The following PLCL1 variants were observed in gnomAD, a reference collection of about 807,000 sequenced individuals.
PLCL1 encodes phospholipase C like 1 (inactive), also known as inactive phospholipase C-like protein 1.
A neutral mutation model predicts 84.4 loss-of-function variants in PLCL1; 41 were observed. That is an observed-to-expected ratio of 0.49 (90% CI 0.38 to 0.63). The LOEUF (loss-of-function observed/expected upper bound fraction) is 0.63, where lower values mean the gene tolerates loss of function less well. Ranked by LOEUF, PLCL1 falls within the 30% of genes least tolerant of loss-of-function variation. PLCL1 has a pLI of 0.00. For synonymous variants in PLCL1, 490 were observed against 488.3 expected, an observed-to-expected ratio of 1.00 and a Z score of -0.05; for missense variants, 1,206 against 1,367.8, an observed-to-expected ratio of 0.88 and a Z score of 1.87.
chr2:198,111,612 C>T (rs1022796645), intron 5 of PLCL1, among the ~76,000 whole-genome samples: 1 of 151,758 alleles, frequency 6.6e-6, no homozygotes, highest in Non-Finnish European at 1.5e-5. Context: ...GTGATTTTTA[C>T]ACAACATTTT....
chr2:197,873,406 G>A (rs1480315175), intron 1 of PLCL1, among the ~76,000 whole-genome samples: 1 of 152,076 alleles, frequency 6.6e-6, no homozygotes, highest in African/African-American at 2.4e-5. Context: ...CTGTCATCAA[G>A]CTGTGCTGGG....
intron 1 of PLCL1, among the ~76,000 whole-genome samples, chr2:197,978,107 C>T (rs1448932432): frequency 6.6e-6 from 1 of 152,188 alleles, no homozygotes; most frequent in Non-Finnish European, 1.5e-5. Flanking sequence ...TAGAGTAAAT[C>T]CGCACTTTGT....
chr2:197,980,202 G>A (rs901025267), intron 1 of PLCL1, among the ~76,000 whole-genome samples: 22 of 152,166 alleles, frequency 1.4e-4, no homozygotes, highest in African/African-American at 5.3e-4. Context: ...GAAATGAAAG[G>A]AAGGAGCAGG....
chr2:198,104,047 T>A (rs1260115529), intron 5 of PLCL1, 111 bp downstream of exon 5: 1 of 517,236 alleles, frequency 1.9e-6, no homozygotes, highest in East Asian at 3.4e-5. Context: ...TTTTAAACCT[T>A]CACTTTAGAT....
chr2:197,908,735 CATGAT>C (rs1158252577), intron 1 of PLCL1, among the ~76,000 whole-genome samples: 2 of 152,120 alleles, frequency 1.3e-5, no homozygotes, highest in Admixed American at 6.6e-5. Flanking sequence ...AAAAAAACCT[CATGAT>C]ATATTTGCAG....
chr2:197,917,352 A>G (rs765300661), intron 1 of PLCL1, among the ~76,000 whole-genome samples: 21 of 152,232 alleles, frequency 1.4e-4, no homozygotes, highest in Non-Finnish European at 2.6e-4. Context: ...AAAGAAATGG[A>G]TGAATCTTAA....
chr2:197,939,037 C>A (rs17670316), intron 1 of PLCL1, among the ~76,000 whole-genome samples: 1 of 152,058 alleles, frequency 6.6e-6, no homozygotes, highest in African/African-American at 2.4e-5. Flanking sequence ...AAATAACATA[C>A]CTTCCATTAA....
At chr2:198,064,930 G>A (rs986996100) in intron 1 of PLCL1, among the ~76,000 whole-genome samples, 2 of 152,174 alleles carry the variant, frequency 1.3e-5, no homozygotes, top group African/African-American at 4.8e-5. Flanking sequence ...ACAGAAGCTT[G>A]TGGAGACAGA....
At chr2:197,996,117 A>G (rs1239289809) in intron 1 of PLCL1, among the ~76,000 whole-genome samples, 1 of 152,036 alleles carries the variant, frequency 6.6e-6, no homozygotes, top group Middle Eastern at 3.2e-3. Context: ...GACGGGCAAG[A>G]GGGAAAGGGA....
intron 1 of PLCL1, among the ~76,000 whole-genome samples, chr2:197,849,504 A>G (rs1687185581): frequency 6.6e-6 from 1 of 152,232 alleles, no homozygotes. Context: ...GATTAAAGTA[A>G]TGATTAAAGT....
intron 1 of PLCL1, among the ~76,000 whole-genome samples, chr2:197,826,852 T>C (rs1690940467): frequency 6.6e-6 from 1 of 152,202 alleles, no homozygotes; most frequent in Non-Finnish European, 1.5e-5. Flanking sequence ...ATCTGTTTGC[T>C]GGATATTTCC....
intron 5 of PLCL1, among the ~76,000 whole-genome samples, chr2:198,112,537 C>CT (rs1339215454): frequency 6.6e-6 from 1 of 151,880 alleles, no homozygotes; most frequent in Non-Finnish European, 1.5e-5. Context: ...CCCCCTCCTC[C>CT]ACAGCCACAG....
At chr2:197,839,190 A>C (rs1475254375) in intron 1 of PLCL1, among the ~76,000 whole-genome samples, 1 of 152,226 alleles carries the variant, frequency 6.6e-6, no homozygotes, top group African/African-American at 2.4e-5. Context: ...TTGCTATTTG[A>C]TATCTCCCTG....
chr2:197,952,876 A>G (rs1435175792), intron 1 of PLCL1, among the ~76,000 whole-genome samples: 1 of 151,934 alleles, frequency 6.6e-6, no homozygotes, highest in Non-Finnish European at 1.5e-5. Context: ...TTCCGCCATG[A>G]TTGTGAGGCC....
intron 1 of PLCL1, among the ~76,000 whole-genome samples, chr2:197,829,468 T>C (rs1463576174): frequency 6.6e-6 from 1 of 152,200 alleles, no homozygotes. Context: ...TATGCATCGT[T>C]AAAATTATTA....
chr2:197,805,006 C>G lies in PLCL1; in HGVS notation c.-94C>G, dbSNP rs1277565291. On this transcript the variant is annotated 5_prime_UTR_variant, in exon 1 of 6. Transcript: ENST00000428675. The surrounding 1 kb of genome is among the most constrained non-coding windows in gnomAD (Gnocchi z 4.0). ...GCGGTGAAACAAAGTCTGGCGGGGC[C>G]GCCTCCCGGTGCAGGAGCGCACCGG... 7.5e-7 allele frequency: 1 copy of G among 1,341,288 alleles called. No homozygotes were observed. The highest frequency in any genetic ancestry group is 1.6e-5 in the African/African-American group (1 of 64,148). 83.1% of individuals were successfully genotyped at this position (1,341,288 alleles called of 1,614,324 possible). A position where few individuals can be genotyped will look rare whatever the true frequency, so the allele number is the denominator to read the frequency against.
Position 197,805,262 on chromosome 2 carries a change from G to T in PLCL1, c.163G>T (p.Ala55Ser). 7.9e-7 allele frequency: 1 copy of T among 1,273,114 alleles called. No homozygotes were observed. The highest frequency in any genetic ancestry group is 9.9e-7 in the Non-Finnish European group (1 of 1,011,186). The allele number at this position is 1,273,114 out of a possible 1,614,324, so 78.9% of individuals were successfully genotyped here. A position where few individuals can be genotyped will look rare whatever the true frequency, so the allele number is the denominator to read the frequency against. The stretch of plus-strand genomic sequence containing the variant: ...CAGCGGGGTCGCACTGCCAGGCGCC[G>T]CGGGGACCCCAGCGGACAGCGAGGC... ...RRSGVALPGA[A>S]GTPADSEAGL... Residue 55 changes from alanine to serine, a missense_variant, in exon 1 of 6, where the codon GCG becomes TCG. Coordinates refer to ENST00000428675, the MANE Select transcript of PLCL1 (RefSeq NM_006226.4). The surrounding 1 kb of genome is among the most constrained non-coding windows in gnomAD (Gnocchi z 4.0).
intron 1 of PLCL1, among the ~76,000 whole-genome samples, chr2:198,060,934 T>G (rs1482467644): frequency 6.6e-6 from 1 of 152,200 alleles, no homozygotes; most frequent in Non-Finnish European, 1.5e-5. Flanking sequence ...TTAAATATTG[T>G]GGTTATTAGC....
chr2:197,936,621 C>T (rs1431376099), intron 1 of PLCL1, among the ~76,000 whole-genome samples: 1 of 151,906 alleles, frequency 6.6e-6, no homozygotes, highest in Non-Finnish European at 1.5e-5. Flanking sequence ...ATTGAGTTGC[C>T]TAAGTTTCTT....
Sources: gnomAD v4.1 joint callset for allele counts (sites outside exome capture counted in the v4.1 genomes callset) on GRCh38, gnomAD v4.1.1 for gene constraint, Gnocchi (gnomAD v3.1) non-coding constraint, MANE v1.5 for transcripts, NCBI Gene and HGNC (gene_info 2026-07-23, HGNC 2026-07-21) for gene names.